CD247: variants seen among roughly 807,000 people sequenced by gnomAD.
CD247 encodes the protein T-cell surface glycoprotein CD3 zeta chain.
A neutral mutation model predicts 30.0 loss-of-function variants in CD247; 13 were observed. That is an observed-to-expected ratio of 0.43 (90% confidence interval 0.28 to 0.69). The LOEUF is 0.69. Ranked by LOEUF, CD247 falls within the 30% of genes least tolerant of loss-of-function variation. CD247 has a pLI of 0.16. For synonymous variants in CD247, 72 were observed against 80.0 expected (o/e 0.90, Z 0.53); for missense variants, 193 against 212.6 (o/e 0.91, Z 0.57).
At chr1:167,453,940 G>T (rs1652498358) in intron 1 of CD247, among the ~76,000 whole-genome samples, 1 of 151,888 alleles carries the variant, frequency 6.6e-6, no homozygotes, top group African/African-American at 2.4e-5. Flanking sequence ...CTCCATCCTG[G>T]GCAACAGAGT....
chr1:167,456,997 C>G (rs1200323461), intron 1 of CD247, among the ~76,000 whole-genome samples: 1 of 152,200 alleles, frequency 6.6e-6, no homozygotes, highest in Non-Finnish European at 1.5e-5. Context: ...TTCTTTGTCT[C>G]TTTCCAGCCC....
At chr1:167,452,995 GTA>G (rs995264358) in intron 1 of CD247, among the ~76,000 whole-genome samples, 25 of 74,326 alleles carry the variant, frequency 3.4e-4, no homozygotes, top group Admixed American at 2.6e-3. Context: ...ATATGTGTGT[GTA>G]TGTGTGTGTG....
At position 167,513,795 on chromosome 1, in the gene CD247, C is replaced by G. The variant is rs867775575; in HGVS notation, c.58+4613G>C. ...GTTAGTTGAATCATATGAAATTATC[C>G]TTTTTGTAGATCTGAAATAAACAAA... On this transcript the variant is annotated intron_variant, in intron 1 of 7. Coordinates refer to ENST00000362089, the MANE Select transcript of CD247 (RefSeq NM_198053.3). Among the ~76,000 whole-genome samples, 15 of 152,122 alleles carry G rather than the reference C, an allele frequency of 9.9e-5. No individual in the cohort carries two copies. The Middle Eastern group carries it at 0.014, about 138-fold the overall frequency.
At chr1:167,452,088 G>C (rs1449774615) in intron 1 of CD247, among the ~76,000 whole-genome samples, 8 of 152,204 alleles carry the variant, frequency 5.3e-5, no homozygotes. Flanking sequence ...AGCCAGGTGT[G>C]GTGGTAGGCA....
At chr1:167,503,182 G>A (rs544808602) in intron 1 of CD247, among the ~76,000 whole-genome samples, 43 of 152,272 alleles carry the variant, frequency 2.8e-4, no homozygotes, top group African/African-American at 8.7e-4. Context: ...TGCTCCTGCC[G>A]GTATTCAAAA....
At position 167,467,918 on chromosome 1, in the gene CD247, T is replaced by A. The variant is rs554482630; in HGVS notation, c.59-27151A>T. The stretch of plus-strand genomic sequence containing the variant: ...CGTATTACATGCCAGAGTTCTCCAA[T>A]CCCCTTAGCCAATTCATAATTGACT... On this transcript the variant is annotated intron_variant, in intron 1 of 7. Transcript: ENST00000362089. 5.9e-5 allele frequency among the ~76,000 whole-genome samples: 9 copies of A among 152,276 alleles called. No homozygotes were observed. The South Asian group carries it at 1.9e-3, about 32-fold the overall frequency.
At chr1:167,487,361 G>C (rs146687179) in intron 1 of CD247, among the ~76,000 whole-genome samples, 1,823 of 152,306 alleles carry the variant, frequency 0.012, 29 homozygotes, top group African/African-American at 0.041. Context: ...GAGAGATAGA[G>C]TGAGATTCCA....
intron 1 of CD247, among the ~76,000 whole-genome samples, chr1:167,492,321 G>A (rs975272778): frequency 1.3e-5 from 2 of 152,134 alleles, no homozygotes; most frequent in Non-Finnish European, 1.5e-5. Context: ...CTGTTAGCCT[G>A]TTTCACCGAC....
intron 3 of CD247, among the ~76,000 whole-genome samples, chr1:167,438,970 A>C (rs1326005362): frequency 6.6e-6 from 1 of 152,188 alleles, no homozygotes; most frequent in Non-Finnish European, 1.5e-5. Flanking sequence ...ATTTCACCAC[A>C]GTCCCATTGC....
chr1:167,474,400 C>T (rs1653661010), intron 1 of CD247, among the ~76,000 whole-genome samples: 1 of 152,052 alleles, frequency 6.6e-6, no homozygotes, highest in African/African-American at 2.4e-5. Flanking sequence ...CAGAGGCACA[C>T]TTGTTTGGGG....
chr1:167,452,411 C>CAA lies in CD247; in HGVS notation c.59-11646_59-11645dup, dbSNP rs34079142. Among the ~76,000 whole-genome samples the CAA allele has an allele frequency of 2.9e-3, 305 of 104,630 alleles. 2 individuals carry two copies. Among genetic ancestry groups the CAA allele is most frequent in the Admixed American group, 9.9e-3 (106 of 10,664 alleles). The allele number at this position is 104,630 out of a possible 152,430, so 68.6% of individuals were successfully genotyped here. On this transcript the variant is annotated intron_variant, in intron 1 of 7. Transcript: ENST00000362089. The stretch of plus-strand genomic sequence containing the variant: ...CCTGGGCGAGGGAGCAAGACTCTAT[C>CAA]AAAAAAAAAAAAAAAAAAGATGAGA...
intron 4 of CD247, among the ~76,000 whole-genome samples, 155 bp from the exon 5 acceptor site, chr1:167,435,589 C>T (rs1651507622): frequency 6.6e-6 from 1 of 152,250 alleles, no homozygotes; most frequent in South Asian, 2.1e-4. Flanking sequence ...GCCTAGGCCA[C>T]TGTTGGGGCC....
chr1:167,480,549 C>T (rs749501177), intron 1 of CD247, among the ~76,000 whole-genome samples: 2 of 152,140 alleles, frequency 1.3e-5, no homozygotes, highest in Non-Finnish European at 2.9e-5. Context: ...ATGTCTTAAA[C>T]CTGAAACTTC....
intron 1 of CD247, among the ~76,000 whole-genome samples, chr1:167,495,832 T>A (rs1654668114): frequency 6.6e-6 from 1 of 152,188 alleles, no homozygotes; most frequent in South Asian, 2.1e-4. Context: ...TGGGTTTGAC[T>A]AGAATGCCAC....
At chr1:167,437,760 A>C (rs1263398726) in intron 4 of CD247, among the ~76,000 whole-genome samples, 1 of 152,206 alleles carries the variant, frequency 6.6e-6, no homozygotes, top group African/African-American at 2.4e-5. Flanking sequence ...CAAAGCCTCA[A>C]TTAGATAGGA....
At chr1:167,433,877 G>T in intron 6 of CD247, 143 bp downstream of exon 6, 1 of 800,308 alleles carries the variant, frequency 1.2e-6, no homozygotes, top group Non-Finnish European at 2.3e-6. Context: ...CTGGGTGACA[G>T]CCAGGTTCGC....
intron 1 of CD247, among the ~76,000 whole-genome samples, chr1:167,501,342 A>G (rs1654899597): frequency 6.6e-6 from 1 of 152,170 alleles, no homozygotes; most frequent in Non-Finnish European, 1.5e-5. Context: ...TACAGGCGTA[A>G]GCCACTGCGC....
In CD247 at chr1:167,431,741, G is replaced by A. The variant is rs1651279422; in HGVS notation, c.435C>T (p.Leu145=). The part of the protein sequence containing the change: ...GKGHDGLYQG[L]STATKDTYDA... ...CGTAGGTGTCCTTGGTGGCTGTACT[G>A]AGACCCTGGCGTGAAAGCAAATCAG... Residue 145 remains leucine (L), a synonymous_variant, in exon 8 of 8, where the codon CTC becomes CTT. Coordinates refer to ENST00000362089, the MANE Select transcript of CD247 (RefSeq NM_198053.3). 6.2e-7 allele frequency: 1 copy of A among 1,613,880 alleles called. No homozygotes were observed. The highest frequency in any genetic ancestry group is 8.5e-7 in the Non-Finnish European group (1 of 1,179,922).
intron 1 of CD247, among the ~76,000 whole-genome samples, chr1:167,468,765 T>C (rs577170781): frequency 2.3e-4 from 35 of 152,332 alleles, no homozygotes; most frequent in Non-Finnish European, 1.5e-5. Context: ...TTCTTAGCCC[T>C]GCCTTCTGCT....
Sources: allele counts gnomAD v4.1 joint callset (sites outside exome capture counted in the v4.1 genomes callset), GRCh38; gene constraint gnomAD v4.1.1; transcripts MANE v1.5; gene names NCBI Gene and HGNC (gene_info 2026-07-23, HGNC 2026-07-21).